TRPC5: variants seen among roughly 807,000 people sequenced by gnomAD.
TRPC5 encodes the protein short transient receptor potential channel 5.
A neutral mutation model predicts 56.5 loss-of-function variants in TRPC5; 9 were observed. That is an observed-to-expected ratio of 0.16 (90% confidence interval 0.10 to 0.28). The LOEUF (loss-of-function observed/expected upper bound fraction) is 0.28. Ranked by LOEUF, TRPC5 falls within the 10% of genes least tolerant of loss-of-function variation. The pLI, the probability that TRPC5 is intolerant of heterozygous loss-of-function variation, is 1.00. For missense variants in TRPC5, 469 were observed against 748.9 expected, an observed-to-expected ratio of 0.63 and a Z score of 4.36; for synonymous variants, 282 against 278.5, an observed-to-expected ratio of 1.01 and a Z score of -0.13.
intron 1 of TRPC5, among the ~76,000 whole-genome samples, chrX:112,032,510 C>T (rs1205819261): frequency 8.9e-6 from 1 of 112,138 alleles, no homozygotes; most frequent in African/African-American, 3.2e-5. Context: ...TTTGTTTATC[C>T]ATACATAAAT....
chrX:112,032,009 A>G (rs756338490), intron 1 of TRPC5, among the ~76,000 whole-genome samples: 1 of 110,854 alleles, frequency 9.0e-6, no homozygotes, highest in East Asian at 2.8e-4. Flanking sequence ...ATGAAAGGTT[A>G]ATATCCAAAA....
chrX:111,892,039 A>G (rs1924832827), intron 3 of TRPC5, among the ~76,000 whole-genome samples: 1 of 111,905 alleles, frequency 8.9e-6, no homozygotes, highest in African/African-American at 3.2e-5. Context: ...GAGGGAAGCA[A>G]TCTGTAATCG....
Position 111,776,805 on chromosome X carries a change from C to T in TRPC5, c.2430G>A (p.Gly810=). 8.3e-7 allele frequency: 1 copy of T among 1,209,895 alleles called. No individual in the cohort carries two copies. Among genetic ancestry groups the T allele is most frequent in the South Asian group, 1.8e-5 (1 of 56,494 alleles). The change falls in exon 11 of 11, where the codon GGG becomes GGA. Residue 810 remains glycine, a synonymous_variant. Coordinates refer to ENST00000262839, the MANE Select transcript of TRPC5 (RefSeq NM_012471.3). ...NLGCKKKTCH[G]PPLIRTMPRS... is the part of the protein sequence containing the mutation. ...TTGGCATGGTTCTGATGAGAGGTGG[C>T]CCATGGCAAGTCTTTTTCTTGCAGC...
chrX:111,784,906 G>A (rs1945948875), intron 7 of TRPC5, among the ~76,000 whole-genome samples: 2 of 112,514 alleles, frequency 1.8e-5, no homozygotes, highest in African/African-American at 3.2e-5. Flanking sequence ...GCTAAACAAA[G>A]CAGCCAGGAA....
chrX:112,071,135 A>C (rs1394418114), intron 1 of TRPC5, among the ~76,000 whole-genome samples: 1 of 109,289 alleles, frequency 9.2e-6, no homozygotes, highest in Non-Finnish European at 1.9e-5. Context: ...AAAAACAAAC[A>C]AACAAACGAA....
At chrX:111,820,159 C>T (rs1363927335) in intron 7 of TRPC5, among the ~76,000 whole-genome samples, 2 of 112,095 alleles carry the variant, frequency 1.8e-5, no homozygotes, top group Non-Finnish European at 3.8e-5. Context: ...TATAAATTGA[C>T]ATCATGTATT....
intron 1 of TRPC5, among the ~76,000 whole-genome samples, chrX:111,973,646 C>G (rs1927842414): frequency 9.0e-6 from 1 of 111,635 alleles, no homozygotes; most frequent in African/African-American, 3.3e-5. Flanking sequence ...ACAGATGGCT[C>G]ATACTATCTC....
chrX:111,978,723 G>GATA (rs1325645516), intron 1 of TRPC5, among the ~76,000 whole-genome samples: 1 of 110,815 alleles, frequency 9.0e-6, no homozygotes, highest in East Asian at 2.8e-4. Context: ...AGTTTGCTAT[G>GATA]AGGCTGGATC....
Position 111,853,987 on chromosome X carries a change from C to G in TRPC5, c.1020G>C (p.Leu340=), listed in dbSNP as rs1343999004. 8.3e-7 allele frequency: 1 copy of G among 1,211,926 alleles called. No homozygotes were observed. ...GGTAGGCTATAGACAGCATGGGAAA[C>G]AGGAACCCAATGGTCATGCAGGTTA... ...KLLTCMTIGF[L]FPMLSIAYLI... The change falls in exon 4 of 11, where the codon CTG becomes CTC. Residue 340 remains leucine (L), a synonymous_variant. Coordinates refer to ENST00000262839, the MANE Select transcript of TRPC5 (RefSeq NM_012471.3).
At chrX:111,854,222 A>G in intron 3 of TRPC5, 116 bp from the exon 4 acceptor site, 1 of 749,776 alleles carries the variant, frequency 1.3e-6, no homozygotes, top group Non-Finnish European at 1.9e-6. Context: ...GCCAATCCCC[A>G]GAAGAGGCCT....
At chrX:111,846,701 A>G (rs1373614260) in intron 6 of TRPC5, among the ~76,000 whole-genome samples, 1 of 112,120 alleles carries the variant, frequency 8.9e-6, no homozygotes, top group Non-Finnish European at 1.9e-5. Context: ...TTGATTCACA[A>G]TAGTAAAGTT....
At chrX:111,999,682 C>G (rs1253749315) in intron 1 of TRPC5, among the ~76,000 whole-genome samples, 1 of 112,130 alleles carries the variant, frequency 8.9e-6, no homozygotes, top group Non-Finnish European at 1.9e-5. Context: ...ATTAGAGTAT[C>G]TGGCCAGGCA....
chrX:111,987,264 G>A (rs1240142902), intron 1 of TRPC5, among the ~76,000 whole-genome samples: 2 of 111,435 alleles, frequency 1.8e-5, no homozygotes, highest in African/African-American at 6.5e-5. Flanking sequence ...TTTGATATAC[G>A]TATACATAGT....
At chrX:111,987,875 C>T (rs186487650) in intron 1 of TRPC5, among the ~76,000 whole-genome samples, 88 of 112,093 alleles carry the variant, frequency 7.9e-4, no homozygotes, top group Non-Finnish European at 1.3e-3. Context: ...ATGAAGGCCA[C>T]CCATACTGGA....
chrX:111,964,344 C>G (rs977798749), intron 1 of TRPC5, among the ~76,000 whole-genome samples: 1 of 112,170 alleles, frequency 8.9e-6, no homozygotes, highest in Non-Finnish European at 1.9e-5. Flanking sequence ...AAATCTACGT[C>G]TGATTGGTAT....
intron 1 of TRPC5, among the ~76,000 whole-genome samples, chrX:111,993,823 T>A (rs1268476149): frequency 8.9e-6 from 1 of 112,301 alleles, no homozygotes; most frequent in Non-Finnish European, 1.9e-5. Flanking sequence ...GATGGGTAGA[T>A]GGCAAAATTT....
At chrX:111,856,120 A>G (rs958195952) in intron 3 of TRPC5, among the ~76,000 whole-genome samples, 1 of 111,495 alleles carries the variant, frequency 9.0e-6, no homozygotes, top group African/African-American at 3.3e-5. Flanking sequence ...CCTGCCTTGT[A>G]TGTGGAGGGC....
intron 1 of TRPC5, among the ~76,000 whole-genome samples, chrX:112,074,005 C>A (rs1930775801): frequency 8.9e-6 from 1 of 111,895 alleles, no homozygotes; most frequent in African/African-American, 3.2e-5. Flanking sequence ...AGTTAACGTG[C>A]ACATGTTTAC....
At chrX:111,824,336 A>C (rs1483394689) in intron 7 of TRPC5, among the ~76,000 whole-genome samples, 1 of 111,094 alleles carries the variant, frequency 9.0e-6, no homozygotes, top group Non-Finnish European at 1.9e-5. Flanking sequence ...CCTACCTTAT[A>C]AAGCTGATGT....
Sources: gnomAD v4.1 joint callset for allele counts (sites outside exome capture counted in the v4.1 genomes callset) on GRCh38, gnomAD v4.1.1 for gene constraint, MANE v1.5 for transcripts, NCBI Gene and HGNC (gene_info 2026-07-23, HGNC 2026-07-21) for gene names.